The following PTPRD variants were observed in gnomAD, a reference collection of about 807,000 sequenced individuals.
PTPRD encodes the protein receptor-type tyrosine-protein phosphatase delta.
PTPRD carries 34 observed loss-of-function variants against 214.5 expected under a neutral mutation model. The ratio of observed to expected loss-of-function variants is 0.16; its 90% CI spans 0.12 to 0.21. The LOEUF (loss-of-function observed/expected upper bound fraction) is 0.21. Ranked by LOEUF, PTPRD falls within the 10% of genes least tolerant of loss-of-function variation. PTPRD has a pLI of 1.00. For synonymous variants in PTPRD, 1,128 were observed against 845.7 expected, an observed-to-expected ratio of 1.33 and a Z score of -5.79; for missense variants, 2,545 against 2,398.7, an observed-to-expected ratio of 1.06 and a Z score of -1.27.
chr9:8,936,427 C>CAAAAAAAAA (rs1181403459), intron 11 of PTPRD, among the ~76,000 whole-genome samples: 1,282 of 31,546 alleles, frequency 0.041, 207 homozygotes, highest in East Asian at 0.23. Context: ...ACCCTGCCTC[C>CAAAAAAAAA]AAAAAAAAAA....
rs148992004 is a variant in PTPRD, at chr9:9,792,180, G to A, written c.-367-25329C>T. 5.2e-3 allele frequency among the ~76,000 whole-genome samples: 783 copies of A among 151,952 alleles called. 5 individuals carry two copies. Among genetic ancestry groups the A allele is most frequent in the African/African-American group, 0.018 (746 of 41,456 alleles). ...CAGCTTTTCAGTGTGGCAGCAAGAT[G>A]ACCACCCTTCCCTCAGTGAGTGTGA... On this transcript the variant is annotated intron_variant, in intron 5 of 45. Coordinates refer to ENST00000381196, the MANE Select transcript of PTPRD (RefSeq NM_002839.4).
chr9:9,374,790 G>T (rs1390515970), intron 9 of PTPRD, among the ~76,000 whole-genome samples: 2 of 152,126 alleles, frequency 1.3e-5, no homozygotes, highest in Non-Finnish European at 2.9e-5. Context: ...CTTACATTGG[G>T]CAAGGTCTGA....
intron 14 of PTPRD, among the ~76,000 whole-genome samples, chr9:8,578,921 C>T (rs1051737064): frequency 6.6e-6 from 1 of 152,126 alleles, no homozygotes; most frequent in Non-Finnish European, 1.5e-5. Flanking sequence ...TCTGTTCCTA[C>T]TATTGTGTAC....
chr9:8,875,452 T>C (rs998652832), intron 11 of PTPRD, among the ~76,000 whole-genome samples: 1 of 152,188 alleles, frequency 6.6e-6, no homozygotes, highest in East Asian at 1.9e-4. Context: ...CACAATACAC[T>C]TAACTCAAGA....
intron 10 of PTPRD, among the ~76,000 whole-genome samples, chr9:9,099,637 A>G (rs1398857393): frequency 2.6e-5 from 4 of 152,190 alleles, no homozygotes; most frequent in Admixed American, 6.5e-5. Flanking sequence ...CATTTCTACA[A>G]TTGTAATTAT....
At chr9:9,525,640 T>C (rs1395632456) in intron 8 of PTPRD, among the ~76,000 whole-genome samples, 1 of 152,054 alleles carries the variant, frequency 6.6e-6, no homozygotes, top group Non-Finnish European at 1.5e-5. Context: ...GATTAAATCA[T>C]AGGTTAATCT....
At chr9:8,485,682 G>T (rs556509943) in intron 28 of PTPRD, 80 bp downstream of exon 28, 2 of 1,273,342 alleles carry the variant, frequency 1.6e-6, no homozygotes, top group East Asian at 2.4e-5. Flanking sequence ...GGGCTGATCA[G>T]TTATTATAGC....
chr9:8,498,612 C>T (rs1471650814), intron 25 of PTPRD, among the ~76,000 whole-genome samples: 1 of 152,130 alleles, frequency 6.6e-6, no homozygotes, highest in East Asian at 1.9e-4. Flanking sequence ...CACAAAGAAA[C>T]GCATTTTCAT....
chr9:9,953,656 G>A (rs1251264852), intron 4 of PTPRD, among the ~76,000 whole-genome samples: 1 of 152,146 alleles, frequency 6.6e-6, no homozygotes, highest in Middle Eastern at 3.4e-3. Context: ...CTGTGATATT[G>A]GTTTATCTGA....
chr9:10,610,004 T>G (rs2080529226), intron 2 of PTPRD, among the ~76,000 whole-genome samples: 1 of 152,138 alleles, frequency 6.6e-6, no homozygotes, highest in South Asian at 2.1e-4. Flanking sequence ...AATTAATCAT[T>G]CATTCCCTGC....
chr9:9,552,585 C>A (rs1032614092), intron 8 of PTPRD, among the ~76,000 whole-genome samples: 2 of 151,990 alleles, frequency 1.3e-5, no homozygotes, highest in East Asian at 1.9e-4. Flanking sequence ...AAGCCTATAG[C>A]AAACTTCTTC....
At chr9:9,781,884 C>CCGAGTT (rs2098846558) in intron 5 of PTPRD, among the ~76,000 whole-genome samples, 1 of 151,942 alleles carries the variant, frequency 6.6e-6, no homozygotes, top group Non-Finnish European at 1.5e-5. Context: ...GCTCCGCCTC[C>CCGAGTT]CGAGTTCACG....
At chr9:8,508,289 CT>C (rs1423811783) in intron 21 of PTPRD, among the ~76,000 whole-genome samples, 1 of 152,144 alleles carries the variant, frequency 6.6e-6, no homozygotes, top group Non-Finnish European at 1.5e-5. Flanking sequence ...TTTAAAACAC[CT>C]TACTCAAATG....
intron 5 of PTPRD, among the ~76,000 whole-genome samples, chr9:9,923,785 A>G (rs1235879503): frequency 6.6e-6 from 1 of 151,914 alleles, no homozygotes; most frequent in East Asian, 1.9e-4. Context: ...CATGGGCCGT[A>G]TTTTTTAGAA....
intron 3 of PTPRD, among the ~76,000 whole-genome samples, chr9:10,139,299 G>T (rs1592145602): frequency 6.6e-6 from 1 of 150,570 alleles, no homozygotes. Flanking sequence ...AAAAAAAAAT[G>T]CCCAGGAATA....
intron 43 of PTPRD, 132 bp from the exon 44 acceptor site, chr9:8,331,868 A>AAATAGAAACTTAGTTATG (rs1400875169): frequency 9.4e-7 from 1 of 1,064,218 alleles, no homozygotes; most frequent in Non-Finnish European, 1.3e-6. Context: ...GAACATGTTT[A>AAATAGAAACTTAGTTATG]AATAGAAACT....
At chr9:8,405,289 C>A (rs1318861713) in intron 35 of PTPRD, among the ~76,000 whole-genome samples, 1 of 151,946 alleles carries the variant, frequency 6.6e-6, no homozygotes, top group Non-Finnish European at 1.5e-5. Context: ...AAGATACAAC[C>A]CAATGCATAT....
At chr9:9,149,909 T>C (rs899128779) in intron 10 of PTPRD, among the ~76,000 whole-genome samples, 1 of 152,190 alleles carries the variant, frequency 6.6e-6, no homozygotes, top group African/African-American at 2.4e-5. Flanking sequence ...TTTAAGTACC[T>C]GAGGACTTAG....
intron 4 of PTPRD, among the ~76,000 whole-genome samples, chr9:10,016,776 T>C (rs547795431): frequency 3.3e-5 from 5 of 151,812 alleles, no homozygotes; most frequent in African/African-American, 1.2e-4. Flanking sequence ...GCCAGCTTCC[T>C]ACCTTGGCCT....
Sources: allele counts gnomAD v4.1 joint callset (sites outside exome capture counted in the v4.1 genomes callset), GRCh38; gene constraint gnomAD v4.1.1; transcripts MANE v1.5; gene names NCBI Gene and HGNC (gene_info 2026-07-23, HGNC 2026-07-21).